CCDC34: variants seen among roughly 807,000 people sequenced by gnomAD.
CCDC34 encodes coiled-coil domain-containing protein 34.
A neutral mutation model predicts 44.1 loss-of-function variants in CCDC34; 40 were observed. The observed-to-expected ratio is 0.91, with a 90% CI of 0.70 to 1.18. The LOEUF (loss-of-function observed/expected upper bound fraction) is 1.18. Among genes scored for constraint, CCDC34 ranks in the 50% most tolerant of loss-of-function variants. The probability of loss-of-function intolerance (pLI) is 0.00; values close to 1 mark genes in which losing one functional copy is unlikely to be tolerated. For synonymous variants in CCDC34, 159 were observed against 158.2 expected, an observed-to-expected ratio of 1.01 and a Z score of -0.04; for missense variants, 466 against 452.3, an observed-to-expected ratio of 1.03 and a Z score of -0.28.
At chr11:27,362,017 A>C (rs1862671571) in intron 1 of CCDC34, among the ~76,000 whole-genome samples, 1 of 152,170 alleles carries the variant, frequency 6.6e-6, no homozygotes, top group African/African-American at 2.4e-5. Context: ...TGATCTGTCT[A>C]TCTTCGTAGT....
intron 2 of CCDC34, among the ~76,000 whole-genome samples, chr11:27,352,478 T>C (rs1161535332): frequency 6.6e-6 from 1 of 151,944 alleles, no homozygotes; most frequent in Admixed American, 6.6e-5. Context: ...CACATACAAA[T>C]ACATGTGTAT....
intron 2 of CCDC34, 34 bp downstream of exon 2, chr11:27,357,369 C>CA: frequency 6.3e-7 from 1 of 1,585,198 alleles, no homozygotes; most frequent in South Asian, 1.2e-5. Context: ...TGTGAGCTCA[C>CA]AGATTAAATA....
chr11:27,354,736 C>G lies in CCDC34; in HGVS notation c.498+2667G>C, dbSNP rs554424177. On this transcript the variant is annotated intron_variant, in intron 2 of 5. Coordinates refer to ENST00000328697, the MANE Select transcript of CCDC34 (RefSeq NM_030771.2). The stretch of plus-strand genomic sequence containing the variant: ...AACAAAAATTAGCCAGGCGTGGTAG[C>G]GTGTGCCTACAGTCCCAGCTACTCA... Among the ~76,000 whole-genome samples the G allele has an allele frequency of 2.2e-5, 3 of 135,920 alleles. No homozygotes were observed. The East Asian group carries it at 7.2e-4, about 33-fold the overall frequency. 89.2% of individuals were successfully genotyped at this position (135,920 alleles called of 152,430 possible).
At chr11:27,356,008 A>ATTTTTTTTTTTTTT (rs34146389) in intron 2 of CCDC34, among the ~76,000 whole-genome samples, 1 of 69,482 alleles carries the variant, frequency 1.4e-5, no homozygotes, top group African/African-American at 5.5e-5. Context: ...TGTTCCCAGG[A>ATTTTTTTTTTTTTT]TTTTTTTTTT....
chr11:27,345,643 C>T (rs1304245538), intron 3 of CCDC34, among the ~76,000 whole-genome samples: 1 of 152,044 alleles, frequency 6.6e-6, no homozygotes. Context: ...GCATAGTATT[C>T]CATGGTGTAT....
Position 27,349,134 on chromosome 11 carries a change from G to A in CCDC34, c.606+1198C>T, listed in dbSNP as rs894135210. On this transcript the variant is annotated intron_variant, in intron 3 of 5. Transcript: ENST00000328697. ...GCTTAATGGAGTTAGAAGATAAGAAGGACTTTTAGAGGAAAGAGCAAACTA... is the reference window on the plus strand; with the variant it reads ...GCTTAATGGAGTTAGAAGATAAGAAAGACTTTTAGAGGAAAGAGCAAACTA... 8 of 982,780 alleles carry A rather than the reference G, an allele frequency of 8.1e-6. No homozygotes were observed. In the African/African-American group the frequency reaches 1.2e-4, roughly 15 times the overall value. 60.9% of individuals were successfully genotyped at this position (982,780 alleles called of 1,614,324 possible).
chr11:27,339,006 G>A lies in CCDC34; in HGVS notation c.937C>T (p.Pro313Ser). 6.2e-7 allele frequency: 1 copy of A among 1,612,208 alleles called. No individual in the cohort carries two copies. Among genetic ancestry groups the A allele is most frequent in the Non-Finnish European group, 8.5e-7 (1 of 1,179,514 alleles). Residue 313 changes from proline (P) to serine (S), a missense_variant, in exon 6 of 6, where the codon CCA becomes TCA. Transcript: ENST00000328697. ...CACGGAATTGGATTATAAAAGGCTG[G>A]TTCTGGATAGGAATTTCCACTGTAA... ...GFYSGNSYPE[P>S]AFYNPIPWKP... is the part of the protein sequence containing the mutation.
Position 27,340,570 on chromosome 11 carries a change from T to C in CCDC34, c.907+126A>G, listed in dbSNP as rs1862340719. ...ATAGGAACATGACATGTTTATAATA[T>C]AATCTTCTGGAAAATAGTAATTTGA... is the stretch of plus-strand genomic sequence containing the variant. On this transcript the variant is annotated intron_variant, in intron 5 of 5. Coordinates refer to ENST00000328697, the MANE Select transcript of CCDC34 (RefSeq NM_030771.2). The C allele has an allele frequency of 4.2e-6, 4 of 955,250 alleles. No homozygotes were observed. The South Asian group carries it at 6.8e-5, about 16-fold the overall frequency. The allele number at this position is 955,250 out of a possible 1,614,324, so 59.2% of individuals were successfully genotyped here. A position where few individuals can be genotyped will look rare whatever the true frequency, so the allele number is the denominator to read the frequency against.
chr11:27,357,257 T>A, intron 2 of CCDC34, 146 bp downstream of exon 2: 1 of 637,230 alleles, frequency 1.6e-6, no homozygotes, highest in Non-Finnish European at 2.5e-6. Context: ...TATTATAACT[T>A]ATTAGTTATT....
chr11:27,357,940 A>G lies in CCDC34; in HGVS notation c.360-399T>C, dbSNP rs188935662. On this transcript the variant is annotated intron_variant, in intron 1 of 5. Transcript: ENST00000328697. The stretch of plus-strand genomic sequence containing the variant: ...ACTCTTCCCTTTCCCGCCCTTAAGT[A>G]GTTCAGGAAAAAAAGATTATGTAGT... Among the ~76,000 whole-genome samples the G allele has an allele frequency of 4.6e-5, 7 of 152,382 alleles. No homozygotes were observed. The East Asian group carries it at 1.3e-3, about 29-fold the overall frequency.
At chr11:27,353,425 A>G (rs1223565644) in intron 2 of CCDC34, among the ~76,000 whole-genome samples, 2 of 152,000 alleles carry the variant, frequency 1.3e-5, no homozygotes, top group Non-Finnish European at 2.9e-5. Context: ...GAATCAGCCA[A>G]TGACCATAGA....
chr11:27,346,218 A>C (rs1268929834), intron 3 of CCDC34, among the ~76,000 whole-genome samples: 3 of 152,154 alleles, frequency 2.0e-5, no homozygotes, highest in Non-Finnish European at 4.4e-5. Context: ...CAACATGGTG[A>C]AACCCCATCT....
chr11:27,354,986 T>C (rs1274536862), intron 2 of CCDC34, among the ~76,000 whole-genome samples: 3 of 152,150 alleles, frequency 2.0e-5, no homozygotes, highest in Admixed American at 2.0e-4. Flanking sequence ...GTCACAGAAT[T>C]AGAATGGCAA....
Position 27,338,954 on chromosome 11 carries a change from T to C in CCDC34, c.989A>G (p.Lys330Arg), listed in dbSNP as rs768477519. The change falls in exon 6 of 6, where the codon AAA becomes AGA. Residue 330 changes from lysine (K) to arginine (R), a missense_variant. Transcript: ENST00000328697. ...PWKPIHMPPP[K>R]EAKDLSGRKS... ...CCTTCCTGATAGATCCTTAGCTTCTTTGGGAGGTGGCATATGAATTGGTTT... is the reference window on the plus strand; with the variant it reads ...CCTTCCTGATAGATCCTTAGCTTCTCTGGGAGGTGGCATATGAATTGGTTT... The C allele has an allele frequency of 1.2e-6, 2 of 1,613,906 alleles. No homozygotes were observed. The highest frequency in any genetic ancestry group is 2.2e-5 in the East Asian group (1 of 44,812).
intron 2 of CCDC34, among the ~76,000 whole-genome samples, chr11:27,353,025 G>T (rs1416184289): frequency 1.3e-5 from 2 of 152,034 alleles, no homozygotes; most frequent in African/African-American, 4.8e-5. Context: ...GCCCCTACAT[G>T]GTCTTCTGGT....
In CCDC34 at chr11:27,357,378, TAAAAA is replaced by T. The variant is rs779022175; in HGVS notation, c.498+20_498+24del. 29 of 1,594,534 alleles carry T rather than the reference TAAAAA, an allele frequency of 1.8e-5. No homozygotes were observed. The Middle Eastern group carries it at 8.3e-4, about 46-fold the overall frequency. ...CTACTTTGTGAGCTCACAGATTAAA[TAAAAA>T]GAACACTGTCTAGTTTTACCTCTAG... is the stretch of plus-strand genomic sequence containing the variant. On this transcript the variant is annotated intron_variant, in intron 2 of 5. Coordinates refer to ENST00000328697, the MANE Select transcript of CCDC34 (RefSeq NM_030771.2).
chr11:27,354,838 G>A (rs1862552354), intron 2 of CCDC34, among the ~76,000 whole-genome samples: 1 of 152,164 alleles, frequency 6.6e-6, no homozygotes, highest in African/African-American at 2.4e-5. Flanking sequence ...CAGCAAGGGT[G>A]ACAGAGTGAG....
At chr11:27,339,966 G>C (rs909571412) in intron 5 of CCDC34, among the ~76,000 whole-genome samples, 1 of 151,554 alleles carries the variant, frequency 6.6e-6, no homozygotes, top group African/African-American at 2.4e-5. Context: ...ATGCTCAGTA[G>C]CTAAAACAGA....
At chr11:27,346,721 T>C (rs1455222439) in intron 3 of CCDC34, among the ~76,000 whole-genome samples, 1 of 152,186 alleles carries the variant, frequency 6.6e-6, no homozygotes, top group African/African-American at 2.4e-5. Flanking sequence ...ATATATGTTA[T>C]GGACTGAATT....
Sources: gnomAD v4.1 joint callset for allele counts (sites outside exome capture counted in the v4.1 genomes callset) on GRCh38, gnomAD v4.1.1 for gene constraint, MANE v1.5 for transcripts, NCBI Gene and HGNC (gene_info 2026-07-23, HGNC 2026-07-21) for gene names.